Variants in SPAG17 observed in about 807,000 individuals in gnomAD.
SPAG17 encodes the protein sperm-associated antigen 17.
In SPAG17, 169 loss-of-function variants were observed where a neutral mutation model predicts 273.6. The ratio of observed to expected loss-of-function variants is 0.62; its 90% CI spans 0.55 to 0.70. The LOEUF (loss-of-function observed/expected upper bound fraction) is 0.70. Among genes scored for constraint, SPAG17 ranks in the 30% least tolerant of loss-of-function variants. The pLI, the probability that SPAG17 is intolerant of heterozygous loss-of-function variation, is 0.00. For missense variants in SPAG17, 2,557 were observed against 2,627.8 expected (o/e 0.97, Z 0.59); for synonymous variants, 825 against 873.2 (o/e 0.94, Z 0.97).
At chr1:117,976,399 A>G (rs572168492) in intron 43 of SPAG17, among the ~76,000 whole-genome samples, 11 of 152,296 alleles carry the variant, frequency 7.2e-5, no homozygotes, top group African/African-American at 2.6e-4. Context: ...TTATTTCTTC[A>G]CAATTATTTA....
At chr1:118,141,154 C>A (rs1424168321) in intron 3 of SPAG17, among the ~76,000 whole-genome samples, 1 of 152,204 alleles carries the variant, frequency 6.6e-6, no homozygotes, top group Non-Finnish European at 1.5e-5. Context: ...TAATGTCCGT[C>A]TCCCCCATTC....
Position 117,987,815 on chromosome 1 carries a change from C to G in SPAG17, c.5669+19G>C. 1 of 1,612,052 alleles carries G rather than the reference C, an allele frequency of 6.2e-7. No homozygotes were observed. The highest frequency in any genetic ancestry group is 8.5e-7 in the Non-Finnish European group (1 of 1,178,488). On this transcript the variant is annotated intron_variant, in intron 40 of 48. Coordinates refer to ENST00000336338, the MANE Select transcript of SPAG17 (RefSeq NM_206996.4). ...CTGGGCCCTTTCAGGTCCTTATGTGCGTTTTGGGGTATAATTACCTCGTTT... is the reference window on the plus strand; with the variant it reads ...CTGGGCCCTTTCAGGTCCTTATGTGGGTTTTGGGGTATAATTACCTCGTTT...
intron 45 of SPAG17, 110 bp from the exon 46 acceptor site, chr1:117,970,226 G>A (rs1654399180): frequency 9.8e-7 from 1 of 1,020,096 alleles, no homozygotes; most frequent in Non-Finnish European, 1.4e-6. Context: ...CTACACAGGA[G>A]CCGGGGGTCC....
chr1:118,178,147 G>A (rs1431964792), intron 1 of SPAG17, among the ~76,000 whole-genome samples: 1 of 152,054 alleles, frequency 6.6e-6, no homozygotes, highest in East Asian at 1.9e-4. Context: ...CACTGATAAA[G>A]TGATAAATAT....
intron 12 of SPAG17, 35 bp from the exon 13 acceptor site, chr1:118,086,107 G>C: frequency 6.2e-7 from 1 of 1,607,100 alleles, no homozygotes; most frequent in Middle Eastern, 1.7e-4. Flanking sequence ...GAAGACATTA[G>C]AGTAAGCTGT....
At chr1:118,032,194 C>T (rs778864220) in intron 24 of SPAG17, among the ~76,000 whole-genome samples, 5 of 151,978 alleles carry the variant, frequency 3.3e-5, no homozygotes, top group Non-Finnish European at 7.4e-5. Context: ...TTGAGAGGCT[C>T]TTCTTATGTA....
chr1:118,133,504 A>G (rs1365309869), intron 3 of SPAG17, among the ~76,000 whole-genome samples: 1 of 152,126 alleles, frequency 6.6e-6, no homozygotes, highest in East Asian at 1.9e-4. Context: ...GGCATTTTAA[A>G]CAAACTCTTT....
At chr1:117,981,214 C>A in intron 43 of SPAG17, 56 bp downstream of exon 43, 1 of 1,502,852 alleles carries the variant, frequency 6.7e-7, no homozygotes, top group Non-Finnish European at 8.8e-7. Context: ...TCCCATATGC[C>A]AAAAAGACAT....
chr1:118,129,175 T>C (rs1189466731), intron 3 of SPAG17, among the ~76,000 whole-genome samples: 1 of 152,264 alleles, frequency 6.6e-6, no homozygotes, highest in African/African-American at 2.4e-5. Context: ...CCTTGAAGCC[T>C]GCCTGGACTT....
Position 118,023,363 on chromosome 1 carries a change from T to G in SPAG17, c.4010A>C (p.Asp1337Ala). The change falls in exon 28 of 49, where the codon GAC becomes GCC. Residue 1337 changes from aspartate to alanine, a missense_variant. Asp to Ala is a moderately radical substitution (Grantham distance 126, BLOSUM62 -2). Transcript: ENST00000336338. ...TTCTGATTTCTGCTGAGAAATAGAG[T>G]CCATCAAATCTCCACTGTGAGGCGT... Reference protein sequence around the residue: ...PATPHSGDLMDSISQQKSETI... With the variant: ...PATPHSGDLMASISQQKSETI... 6.2e-7 allele frequency: 1 copy of G among 1,612,708 alleles called. No homozygotes were observed. Among genetic ancestry groups the G allele is most frequent in the Non-Finnish European group, 8.5e-7 (1 of 1,179,116 alleles).
intron 4 of SPAG17, among the ~76,000 whole-genome samples, 153 bp from the exon 5 acceptor site, chr1:118,102,079 C>A (rs189731925): frequency 6.6e-6 from 1 of 152,210 alleles, no homozygotes; most frequent in African/African-American, 2.4e-5. Flanking sequence ...AGTGGAGATT[C>A]CAGCTTGAGA....
intron 3 of SPAG17, among the ~76,000 whole-genome samples, chr1:118,140,215 TAAGAC>T (rs1484600482): frequency 3.3e-5 from 5 of 152,136 alleles, no homozygotes; most frequent in Non-Finnish European, 7.4e-5. Flanking sequence ...GAATACAGAC[TAAGAC>T]AATAGTCAAA....
intron 3 of SPAG17, 72 bp from the exon 4 acceptor site, chr1:118,115,513 G>C: frequency 7.2e-7 from 1 of 1,390,170 alleles, no homozygotes; most frequent in Non-Finnish European, 9.6e-7. Context: ...GTGATGAAAA[G>C]ATGAAAGGAA....
At chr1:118,107,783 T>G (rs1307072202) in intron 4 of SPAG17, among the ~76,000 whole-genome samples, 1 of 152,226 alleles carries the variant, frequency 6.6e-6, no homozygotes, top group African/African-American at 2.4e-5. Flanking sequence ...CCACCACAAT[T>G]CTACCACTTG....
At chr1:118,123,220 G>C (rs1360008381) in intron 3 of SPAG17, among the ~76,000 whole-genome samples, 1 of 151,972 alleles carries the variant, frequency 6.6e-6, no homozygotes, top group Admixed American at 6.6e-5. Context: ...CATTTATTTA[G>C]GGCCAACTAT....
intron 1 of SPAG17, among the ~76,000 whole-genome samples, chr1:118,172,782 AT>A (rs903987723): frequency 5.8e-4 from 88 of 151,606 alleles, no homozygotes; most frequent in African/African-American, 1.9e-3. Context: ...TAATTGTGTG[AT>A]TTTTTTTTCT....
intron 1 of SPAG17, among the ~76,000 whole-genome samples, chr1:118,173,111 A>T (rs1220942823): frequency 6.6e-6 from 1 of 152,134 alleles, no homozygotes; most frequent in East Asian, 1.9e-4. Flanking sequence ...AGAAAGCTCC[A>T]GTCCCTCTTT....
intron 3 of SPAG17, among the ~76,000 whole-genome samples, chr1:118,138,624 T>C (rs572600149): frequency 6.6e-6 from 1 of 152,148 alleles, no homozygotes; most frequent in African/African-American, 2.4e-5. Flanking sequence ...ATACAAACCA[T>C]TGTAGAAAAT....
At chr1:117,959,515 A>G in intron 48 of SPAG17, 1 of 1,436,534 alleles carries the variant, frequency 7.0e-7, no homozygotes, top group Non-Finnish European at 9.2e-7. Context: ...TAAGCACAGA[A>G]GAGTTGGCGT....
Sources: allele counts gnomAD v4.1 joint callset (sites outside exome capture counted in the v4.1 genomes callset), GRCh38; gene constraint gnomAD v4.1.1; transcripts MANE v1.5; gene names NCBI Gene and HGNC (gene_info 2026-07-23, HGNC 2026-07-21).